The following ATXN10 variants were observed in gnomAD, a reference collection of about 807,000 sequenced individuals.
The protein encoded by ATXN10 is ataxin-10.
A neutral mutation model predicts 52.9 loss-of-function variants in ATXN10; 28 were observed. That is an observed-to-expected ratio of 0.53 (90% CI 0.39 to 0.73). The LOEUF (loss-of-function observed/expected upper bound fraction) is 0.73, where lower values mean the gene tolerates loss of function less well. Ranked by LOEUF, ATXN10 falls within the 30% of genes least tolerant of loss-of-function variation. ATXN10 has a pLI of 0.00. For missense variants in ATXN10, 565 were observed against 577.0 expected, an observed-to-expected ratio of 0.98 and a Z score of 0.21; for synonymous variants, 226 against 221.5, an observed-to-expected ratio of 1.02 and a Z score of -0.18.
rs550088481 is a variant in ATXN10 at position 45,736,385 on chromosome 22, TAAC to T, written c.895-2344_895-2342del. ...AGAAAACATCTAAAATAACTAATAA[TAAC>T]ATTTATTATCAAATAAATAGTATTC... On this transcript the variant is annotated intron_variant, in intron 7 of 11. Transcript: ENST00000252934. 2.2e-4 allele frequency among the ~76,000 whole-genome samples: 33 copies of T among 152,296 alleles called. No homozygotes were observed. In the South Asian group the frequency reaches 3.9e-3, roughly 18 times the overall value.
Position 45,683,408 on chromosome 22 carries a change from G to A in ATXN10, c.117-6304G>A, listed in dbSNP as rs190367212. On this transcript the variant is annotated intron_variant, in intron 1 of 11. Transcript: ENST00000252934. This position sits in a 1 kb window ranked among gnomAD's most constrained non-coding sequence, Gnocchi z 4.8. The stretch of plus-strand genomic sequence containing the variant: ...GTGGCCTACTGTGCCTGTCCAGGGT[G>A]GCTCTGTCTTGTCTCTCTGAGTCGC... 6.6e-6 allele frequency among the ~76,000 whole-genome samples: 1 copy of A among 152,216 alleles called. No homozygotes were observed. The highest frequency in any genetic ancestry group is 1.9e-4 in the East Asian group (1 of 5,170).
intron 9 of ATXN10, among the ~76,000 whole-genome samples, chr22:45,804,685 A>G (rs980542633): frequency 6.6e-6 from 1 of 152,232 alleles, no homozygotes; most frequent in Admixed American, 6.5e-5. Flanking sequence ...ATATTTCATT[A>G]GATTAATTTG....
chr22:45,785,046 G>A (rs1401557201), intron 9 of ATXN10, among the ~76,000 whole-genome samples: 1 of 152,212 alleles, frequency 6.6e-6, no homozygotes, highest in Non-Finnish European at 1.5e-5. Flanking sequence ...CTTGCTGTAT[G>A]GGTTATTTTT....
intron 9 of ATXN10, among the ~76,000 whole-genome samples, chr22:45,753,099 T>C (rs943269909): frequency 3.3e-5 from 5 of 152,122 alleles, no homozygotes; most frequent in African/African-American, 1.2e-4. Flanking sequence ...TTATTTTCTC[T>C]TGGAGATTGT....
chr22:45,822,846 C>T (rs1369855376), intron 10 of ATXN10, among the ~76,000 whole-genome samples: 2 of 152,106 alleles, frequency 1.3e-5, no homozygotes, highest in East Asian at 1.9e-4. Flanking sequence ...TTAATAAACA[C>T]AGTTCTGTGA....
chr22:45,714,497 C>T (rs1423243735), intron 5 of ATXN10, among the ~76,000 whole-genome samples: 1 of 152,088 alleles, frequency 6.6e-6, no homozygotes, highest in Non-Finnish European at 1.5e-5. Flanking sequence ...CTTCCCTCCT[C>T]AGCCCACTGA....
Position 45,807,027 on chromosome 22 carries a change from C to G in ATXN10, c.1237+5C>G, listed in dbSNP as rs1928121755. ...ACATCAGTGACAGTAACCCCTGTATCCTTGCATGTGAATTACCATGCACAA... is the reference window on the plus strand; with the variant it reads ...ACATCAGTGACAGTAACCCCTGTATGCTTGCATGTGAATTACCATGCACAA... On this transcript the variant is annotated splice_donor_5th_base_variant and intron_variant, in intron 10 of 11. Transcript: ENST00000252934. The G allele has an allele frequency of 6.2e-7, 1 of 1,612,950 alleles. No homozygotes were observed. The highest frequency in any genetic ancestry group is 1.3e-5 in the African/African-American group (1 of 74,896).
chr22:45,719,107 A>G (rs761505419), intron 6 of ATXN10, among the ~76,000 whole-genome samples: 1 of 151,460 alleles, frequency 6.6e-6, no homozygotes, highest in African/African-American at 2.4e-5. Context: ...CAGTTTCTTG[A>G]CCTGTAAATT....
rs187149672 is a variant in ATXN10, at chr22:45,759,467, G to T, written c.1173+18929G>T. ...GCAGAGGTTGCAGTGAGCCGAGATAGCATCACTGCACTCCAGCCTGGGCAG... is the reference window on the plus strand; with the variant it reads ...GCAGAGGTTGCAGTGAGCCGAGATATCATCACTGCACTCCAGCCTGGGCAG... On this transcript the variant is annotated intron_variant, in intron 9 of 11. Coordinates refer to ENST00000252934, the MANE Select transcript of ATXN10 (RefSeq NM_013236.4). The surrounding 1 kb of genome is among the most constrained non-coding windows in gnomAD (Gnocchi z 5.4). Among the ~76,000 whole-genome samples, 1 of 152,308 alleles carries T rather than the reference G, an allele frequency of 6.6e-6. No homozygotes were observed. Among genetic ancestry groups the T allele is most frequent in the Admixed American group, 6.5e-5 (1 of 15,304 alleles).
Position 45,733,388 on chromosome 22 carries a change from A to G in ATXN10, c.894+3798A>G, listed in dbSNP as rs898900150. 2.0e-5 allele frequency among the ~76,000 whole-genome samples: 3 copies of G among 152,324 alleles called. No individual in the cohort carries two copies. In the South Asian group the frequency reaches 6.2e-4, roughly 32 times the overall value. ...CTTAAATTTTTGTATTACGCAAATA[A>G]TGCTTGCTTTGTTGTTAAAAATTAT... On this transcript the variant is annotated intron_variant, in intron 7 of 11. Transcript: ENST00000252934. This position sits in a 1 kb window ranked among gnomAD's most constrained non-coding sequence, Gnocchi z 4.4.
chr22:45,682,724 T>A (rs1922977802), intron 1 of ATXN10, among the ~76,000 whole-genome samples: 1 of 152,258 alleles, frequency 6.6e-6, no homozygotes, highest in Non-Finnish European at 1.5e-5. Flanking sequence ...TACTCTTGTT[T>A]CTGTAAACAA....
chr22:45,782,764 G>T (rs968401008), intron 9 of ATXN10, among the ~76,000 whole-genome samples: 3 of 152,180 alleles, frequency 2.0e-5, no homozygotes, highest in African/African-American at 7.2e-5. Flanking sequence ...TAAATTAAAT[G>T]TTAAAGAAAT....
rs1184696876 is a variant in ATXN10 at position 45,757,166 on chromosome 22, G to GAGGT, written c.1173+16629_1173+16632dup. On this transcript the variant is annotated intron_variant, in intron 9 of 11. Coordinates refer to ENST00000252934, the MANE Select transcript of ATXN10 (RefSeq NM_013236.4). This position sits in a 1 kb window ranked among gnomAD's most constrained non-coding sequence, Gnocchi z 4.6. The stretch of plus-strand genomic sequence containing the variant: ...GCGGACGACTGGGGAGTCTGATGGG[G>GAGGT]AGGTGGGTGGCGGGGGTGTTGACAG... Among the ~76,000 whole-genome samples the GAGGT allele has an allele frequency of 1.3e-5, 2 of 152,292 alleles. No homozygotes were observed. The highest frequency in any genetic ancestry group is 6.5e-5 in the Admixed American group (1 of 15,302).
chr22:45,702,997 G>A, intron 5 of ATXN10, 150 bp downstream of exon 5: 2 of 984,130 alleles, frequency 2.0e-6, no homozygotes, highest in Non-Finnish European at 3.1e-6. Flanking sequence ...AAGATTTTGA[G>A]CAGAATCTAG....
At chr22:45,743,077 T>G (rs888267469) in intron 9 of ATXN10, among the ~76,000 whole-genome samples, 1 of 152,218 alleles carries the variant, frequency 6.6e-6, no homozygotes, top group African/African-American at 2.4e-5. Context: ...TAAGTAAATA[T>G]GGAGTGTGCC....
rs1388168800 is a variant in ATXN10 at position 45,757,030 on chromosome 22, A to C, written c.1173+16492A>C. On this transcript the variant is annotated intron_variant, in intron 9 of 11. Coordinates refer to ENST00000252934, the MANE Select transcript of ATXN10 (RefSeq NM_013236.4). The surrounding 1 kb of genome is among the most constrained non-coding windows in gnomAD (Gnocchi z 4.6). ...AGTGGAGAAGAACCAGACGAGAGACACGGTTCCAGATGCTTTCCCAAGTGG... is the reference window on the plus strand; with the variant it reads ...AGTGGAGAAGAACCAGACGAGAGACCCGGTTCCAGATGCTTTCCCAAGTGG... 6.6e-6 allele frequency among the ~76,000 whole-genome samples: 1 copy of C among 152,170 alleles called. No homozygotes were observed. The highest frequency in any genetic ancestry group is 1.5e-5 in the Non-Finnish European group (1 of 68,028).
Position 45,696,627 on chromosome 22 carries a change from G to A in ATXN10, c.391+3549G>A, listed in dbSNP as rs770854917. ...CCTCTTTACTCCATCATTTTCATCA[G>A]CAAGTAATATGCCCTCCCATTTTTC... On this transcript the variant is annotated intron_variant, in intron 3 of 11. Coordinates refer to ENST00000252934, the MANE Select transcript of ATXN10 (RefSeq NM_013236.4). This position sits in a 1 kb window ranked among gnomAD's most constrained non-coding sequence, Gnocchi z 4.7. Among the ~76,000 whole-genome samples the A allele has an allele frequency of 6.6e-5, 10 of 152,080 alleles. No individual in the cohort carries two copies. The highest frequency in any genetic ancestry group is 1.5e-4 in the Non-Finnish European group (10 of 68,006).
intron 9 of ATXN10, among the ~76,000 whole-genome samples, chr22:45,752,019 C>T (rs1444158829): frequency 6.6e-6 from 1 of 151,916 alleles, no homozygotes; most frequent in Non-Finnish European, 1.5e-5. Flanking sequence ...TCATGCCCAT[C>T]ATATTCTAAT....
intron 3 of ATXN10, among the ~76,000 whole-genome samples, chr22:45,693,421 G>C (rs1027731777): frequency 6.6e-6 from 1 of 152,142 alleles, no homozygotes; most frequent in Non-Finnish European, 1.5e-5. Flanking sequence ...TGTTTTGCGG[G>C]GGCTGCTCTC....
Sources: allele counts gnomAD v4.1 joint callset (sites outside exome capture counted in the v4.1 genomes callset), GRCh38; gene constraint gnomAD v4.1.1; non-coding constraint Gnocchi (gnomAD v3.1); transcripts MANE v1.5; gene names NCBI Gene and HGNC (gene_info 2026-07-23, HGNC 2026-07-21).